MTRR: variants seen among roughly 807,000 people sequenced by gnomAD.
The protein encoded by MTRR is 5-methyltetrahydrofolate-homocysteine methyltransferase reductase, also known as methionine synthase reductase.
MTRR carries 63 observed loss-of-function variants against 79.2 expected under a neutral mutation model. The observed-to-expected ratio is 0.80, with a 90% CI of 0.65 to 0.98. The LOEUF is 0.98. Among genes scored for constraint, MTRR ranks in the 50% least tolerant of loss-of-function variants. The pLI is 0.00. For synonymous variants in MTRR, 355 were observed against 313.3 expected (o/e 1.13, Z -1.41); for missense variants, 895 against 839.6 (o/e 1.07, Z -0.82).
At chr5:7,859,503 G>T in intron 1 of MTRR, 1 of 1,604,992 alleles carries the variant, frequency 6.2e-7, no homozygotes. Flanking sequence ...ACCAATTCAC[G>T]TCTTGATTTT....
intron 1 of MTRR, among the ~76,000 whole-genome samples, chr5:7,852,949 G>T (rs572799530): frequency 1.3e-5 from 2 of 152,318 alleles, no homozygotes; most frequent in Non-Finnish European, 2.9e-5. Flanking sequence ...CTTAGTAAAA[G>T]AAATTAGTAA....
In MTRR at chr5:7,900,519, T is replaced by C. The variant is rs9282788; in HGVS notation, c.*461T>C. 2,772 of 169,972 alleles carry C rather than the reference T, an allele frequency of 0.016. 35 individuals carry two copies. The highest frequency in any genetic ancestry group is 0.025 in the Non-Finnish European group (1,911 of 77,066). 10.5% of individuals were successfully genotyped at this position (169,972 alleles called of 1,614,324 possible). A position where few individuals can be genotyped will look rare whatever the true frequency, so the allele number is the denominator to read the frequency against. On this transcript the variant is annotated 3_prime_UTR_variant, in exon 15 of 15. Transcript: ENST00000440940. Reference sequence around the variant, plus strand: ...ATAAAGAATGCTCATATTAATGTACTTAAATTACACATGTAGAGCATATCT... The same window carrying C: ...ATAAAGAATGCTCATATTAATGTACCTAAATTACACATGTAGAGCATATCT...
chr5:7,870,339 A>G (rs538726997), intron 1 of MTRR: 1 of 185,924 alleles, frequency 5.4e-6, no homozygotes, highest in African/African-American at 2.4e-5. Flanking sequence ...GAGGAAACCA[A>G]AAGCTATTTA....
intron 1 of MTRR, 112 bp from the exon 2 acceptor site, chr5:7,870,658 C>T: frequency 8.6e-7 from 1 of 1,168,642 alleles, no homozygotes. Context: ...AAGGCCATTT[C>T]ATATTATGTG....
At chr5:7,893,312 T>C (rs1737953238) in intron 11 of MTRR, 1 of 195,582 alleles carries the variant, frequency 5.1e-6, no homozygotes, top group Non-Finnish European at 1.1e-5. Flanking sequence ...TAGTTTTACA[T>C]TGGGAGTCTG....
upstream of MTRR, chr5:7,867,834 C>T (rs1456299954): frequency 6.2e-7 from 1 of 1,614,186 alleles, no homozygotes; most frequent in Admixed American, 1.7e-5. Context: ...CAGTCAGATA[C>T]TTGAGAGAAC....
Position 7,870,119 on chromosome 5 carries a change from A to C in MTRR, c.-25-651A>C, listed in dbSNP as rs186623207. On this transcript the variant is annotated intron_variant, in intron 1 of 14. Coordinates refer to ENST00000440940, the MANE Select transcript of MTRR (RefSeq NM_002454.3). ...GGAAAAACGTGTTAGTAAAATGTTT[A>C]AGTGGATTGGAAATATTTTTTCGTT... is the stretch of plus-strand genomic sequence containing the variant. 5.3e-4 allele frequency: 516 copies of C among 975,002 alleles called. 1 individual carries two copies. The highest frequency in any genetic ancestry group is 6.6e-4 in the South Asian group (14 of 21,124). 60.4% of individuals were successfully genotyped at this position (975,002 alleles called of 1,614,324 possible). A position where few individuals can be genotyped will look rare whatever the true frequency, so the allele number is the denominator to read the frequency against.
At chr5:7,872,780 A>G (rs1748208569) in intron 2 of MTRR, among the ~76,000 whole-genome samples, 1 of 152,084 alleles carries the variant, frequency 6.6e-6, no homozygotes, top group Non-Finnish European at 1.5e-5. Flanking sequence ...GTGCTTATGT[A>G]TCAGTTCTCT....
chr5:7,883,816 A>G (rs1200861012), intron 6 of MTRR, among the ~76,000 whole-genome samples: 1 of 152,210 alleles, frequency 6.6e-6, no homozygotes, highest in Non-Finnish European at 1.5e-5. Context: ...TGGGATCAGA[A>G]CAGCATTTTA....
In MTRR at chr5:7,892,899, G is replaced by A; in HGVS notation, c.1543G>A (p.Ala515Thr). Residue 515 changes from alanine to threonine, a missense_variant, in exon 11 of 15, where the codon GCC becomes ACC. Coordinates refer to ENST00000440940, the MANE Select transcript of MTRR (RefSeq NM_002454.3). ...TGCATCCCATGAAGACAGCGGGAAA[G>A]CCCTGGCTCCTAAGGTAAGAAATTA... ...IHASHEDSGK[A>T]LAPKISISPR... The A allele has an allele frequency of 1.2e-6, 2 of 1,614,126 alleles. No individual in the cohort carries two copies. Among genetic ancestry groups the A allele is most frequent in the Non-Finnish European group, 1.7e-6 (2 of 1,179,994 alleles).
chr5:7,896,287 A>G lies in MTRR; in HGVS notation c.1676+435A>G. 1.0e-5 allele frequency: 2 copies of G among 192,396 alleles called. 1 individual carries two copies. Among genetic ancestry groups the G allele is most frequent in the South Asian group, 2.0e-4 (2 of 9,832 alleles). The allele number at this position is 192,396 out of a possible 1,614,324, so 11.9% of individuals were successfully genotyped here. On this transcript the variant is annotated intron_variant, in intron 12 of 14. Transcript: ENST00000440940. ...TTAATAAGTTTAACTTCATATCAGAACAGAAGTATTTGATATGAAATAAGT... is the reference window on the plus strand; with the variant it reads ...TTAATAAGTTTAACTTCATATCAGAGCAGAAGTATTTGATATGAAATAAGT...
At chr5:7,876,252 A>G (rs1734544296) in intron 4 of MTRR, among the ~76,000 whole-genome samples, 1 of 152,150 alleles carries the variant, frequency 6.6e-6, no homozygotes, top group Non-Finnish European at 1.5e-5. Context: ...TCGCCAGCAC[A>G]CATATTCTTC....
intron 7 of MTRR, among the ~76,000 whole-genome samples, chr5:7,886,151 A>G (rs1236202514): frequency 6.6e-6 from 1 of 152,102 alleles, no homozygotes; most frequent in African/African-American, 2.4e-5. Flanking sequence ...TATTTTTAAA[A>G]ATTCTTTTCC....
chr5:7,857,417 TA>T (rs1172438427), intron 1 of MTRR, among the ~76,000 whole-genome samples: 1 of 152,204 alleles, frequency 6.6e-6, no homozygotes, highest in African/African-American at 2.4e-5. Context: ...TCTATTAGCC[TA>T]AATTATTTTC....
chr5:7,900,079 G>A lies in MTRR; in HGVS notation c.*21G>A, dbSNP rs759462487. ...CATAAAACCAGAAATTAAAGAAAGA[G>A]GATTAAGCTTTTTTGACTGAAAGTA... On this transcript the variant is annotated 3_prime_UTR_variant, in exon 15 of 15. Transcript: ENST00000440940. 2.0e-5 allele frequency: 33 copies of A among 1,611,556 alleles called. No individual in the cohort carries two copies. Among genetic ancestry groups the A allele is most frequent in the African/African-American group, 2.7e-5 (2 of 74,656 alleles).
At chr5:7,888,969 G>C in intron 8 of MTRR, 126 bp from the exon 9 acceptor site, 1 of 1,021,340 alleles carries the variant, frequency 9.8e-7, no homozygotes. Flanking sequence ...CCTGACAATA[G>C]CTCCTAGTGG....
intron 9 of MTRR, chr5:7,890,171 T>G: frequency 1.3e-6 from 1 of 784,090 alleles, no homozygotes; most frequent in South Asian, 5.8e-5. Context: ...CTTTTTACTC[T>G]TGGGCCAGCA....
At chr5:7,870,157 T>G in intron 1 of MTRR, 3 of 729,010 alleles carry the variant, frequency 4.1e-6, no homozygotes, top group Non-Finnish European at 5.0e-6. Flanking sequence ...ATGCACCCGT[T>G]TGTATATATG....
intron 5 of MTRR, among the ~76,000 whole-genome samples, chr5:7,879,441 C>G (rs1386169327): frequency 8.3e-6 from 1 of 120,844 alleles, no homozygotes; most frequent in Admixed American, 1.2e-4. Context: ...CCAGCCTGAG[C>G]GACAGAGTAA....
Sources: allele counts gnomAD v4.1 joint callset (sites outside exome capture counted in the v4.1 genomes callset), GRCh38; gene constraint gnomAD v4.1.1; transcripts MANE v1.5; gene names NCBI Gene and HGNC (gene_info 2026-07-23, HGNC 2026-07-21).